MYO1E: variants seen among roughly 807,000 people sequenced by gnomAD.
MYO1E encodes the protein unconventional myosin-Ie.
MYO1E carries 68 observed loss-of-function variants against 151.1 expected under a neutral mutation model. The observed-to-expected ratio is 0.45, with a 90% CI of 0.37 to 0.55. The LOEUF is 0.55. Ranked by LOEUF, MYO1E falls within the 20% of genes least tolerant of loss-of-function variation. The pLI is 0.00. For synonymous variants in MYO1E, 601 were observed against 501.7 expected, an observed-to-expected ratio of 1.20 and a Z score of -2.64; for missense variants, 1,363 against 1,389.3, an observed-to-expected ratio of 0.98 and a Z score of 0.30.
At chr15:59,138,865 A>G (rs1190391307) in intron 26 of MYO1E, among the ~76,000 whole-genome samples, 1 of 152,038 alleles carries the variant, frequency 6.6e-6, no homozygotes, top group African/African-American at 2.4e-5. Flanking sequence ...CCCCTAGCCA[A>G]TATTTGTGGT....
chr15:59,258,051 C>T (rs2080204051), intron 3 of MYO1E, among the ~76,000 whole-genome samples: 1 of 152,060 alleles, frequency 6.6e-6, no homozygotes, highest in South Asian at 2.1e-4. Flanking sequence ...AAGTGATATA[C>T]AGAAAATGGA....
intron 10 of MYO1E, among the ~76,000 whole-genome samples, chr15:59,216,088 A>G (rs1181484571): frequency 2.6e-5 from 4 of 152,116 alleles, no homozygotes; most frequent in African/African-American, 7.2e-5. Context: ...CTCTAACCAC[A>G]CTAACCATAC....
rs966844121 is a variant in MYO1E, at chr15:59,302,769, C to T, written c.4-30320G>A. Among the ~76,000 whole-genome samples, 3 of 133,048 alleles carry T rather than the reference C, an allele frequency of 2.3e-5. No homozygotes were observed. The East Asian group carries it at 7.2e-4, about 32-fold the overall frequency. 87.3% of individuals were successfully genotyped at this position (133,048 alleles called of 152,430 possible). ...GAGGTGTAAAGTAATACATTATAAA[C>T]TCTGGACACTATATAAATTATACAA... is the stretch of plus-strand genomic sequence containing the variant. On this transcript the variant is annotated intron_variant, in intron 1 of 27. Transcript: ENST00000288235.
At chr15:59,151,610 A>G (rs2079479277) in intron 26 of MYO1E, among the ~76,000 whole-genome samples, 1 of 152,080 alleles carries the variant, frequency 6.6e-6, no homozygotes, top group Non-Finnish European at 1.5e-5. Context: ...ACATCAAATA[A>G]TAGGGCATAA....
intron 4 of MYO1E, among the ~76,000 whole-genome samples, chr15:59,246,947 G>A (rs1373899365): frequency 6.6e-6 from 1 of 152,208 alleles, no homozygotes; most frequent in African/African-American, 2.4e-5. Flanking sequence ...GGTATGCAGA[G>A]AGCATCACGG....
At chr15:59,359,994 G>A (rs2080876546) in intron 1 of MYO1E, 1 of 152,184 alleles carries the variant, frequency 6.6e-6, no homozygotes, top group South Asian at 2.1e-4. Flanking sequence ...GATATTTATG[G>A]ATGAAATGGT....
intron 6 of MYO1E, among the ~76,000 whole-genome samples, chr15:59,228,482 A>C (rs749478853): frequency 3.3e-5 from 5 of 151,534 alleles, no homozygotes; most frequent in Non-Finnish European, 5.9e-5. Flanking sequence ...AACCAAAATA[A>C]AATGAATCAA....
In MYO1E at chr15:59,178,554, G is replaced by A. The variant is rs201811818; in HGVS notation, c.1905-17C>T. 1.2e-6 allele frequency: 2 copies of A among 1,613,516 alleles called. No individual in the cohort carries two copies. The highest frequency in any genetic ancestry group is 2.2e-5 in the East Asian group (1 of 44,864). On this transcript the variant is annotated splice_polypyrimidine_tract_variant and intron_variant, in intron 18 of 27. Coordinates refer to ENST00000288235, the MANE Select transcript of MYO1E (RefSeq NM_004998.4). ...ATGGCATACCTGTGGGGACATTGGG[G>A]AGAAGAGAATCACACTTGGGCGGGA...
chr15:59,287,110 C>T (rs2080391874), intron 1 of MYO1E, among the ~76,000 whole-genome samples: 1 of 151,886 alleles, frequency 6.6e-6, no homozygotes, highest in Non-Finnish European at 1.5e-5. Context: ...TCTTCTGATC[C>T]ATACCTTGGA....
At chr15:59,360,725 C>T (rs1358350548) in intron 1 of MYO1E, among the ~76,000 whole-genome samples, 3 of 152,188 alleles carry the variant, frequency 2.0e-5, no homozygotes, top group Non-Finnish European at 4.4e-5. Context: ...ATTCCTCATG[C>T]CTTGCTTGGG....
intron 5 of MYO1E, among the ~76,000 whole-genome samples, chr15:59,233,315 T>G (rs1442319768): frequency 1.3e-5 from 2 of 152,150 alleles, no homozygotes; most frequent in South Asian, 2.1e-4. Flanking sequence ...TTCAACAGAA[T>G]TTTGTGGCAT....
In MYO1E at chr15:59,218,079, A is replaced by G. The variant is rs148823974; in HGVS notation, c.919T>C (p.Phe307Leu). The change falls in exon 10 of 28, where the codon TTT (phenylalanine) becomes CTT (leucine). Residue 307 changes from phenylalanine (F) to leucine (L), a missense_variant. By Grantham distance (22) the Phe-to-Leu change is conservative. Transcript: ENST00000288235. ...AAVESEEFLA[F>L]PAYLLGINQD... ...TTTATCCCTAGCAGATATGCAGGAA[A>G]AGCTAAAACTGTAGAACATAAAACA... 1 of 1,614,180 alleles carries G rather than the reference A, an allele frequency of 6.2e-7. No individual in the cohort carries two copies. The highest frequency in any genetic ancestry group is 8.5e-7 in the Non-Finnish European group (1 of 1,180,014).
chr15:59,160,336 CGTGTGTGT>C (rs55633634), intron 24 of MYO1E, among the ~76,000 whole-genome samples: 3,176 of 120,130 alleles, frequency 0.026, 113 homozygotes, highest in African/African-American at 0.087. Flanking sequence ...TGAGGTAGTG[CGTGTGTGT>C]GTGTGTGTGT....
intron 18 of MYO1E, among the ~76,000 whole-genome samples, chr15:59,187,494 T>C (rs1314166904): frequency 6.6e-6 from 1 of 152,218 alleles, no homozygotes; most frequent in African/African-American, 2.4e-5. Context: ...AAATGTGAAG[T>C]GGTGCAGCCA....
intron 1 of MYO1E, among the ~76,000 whole-genome samples, chr15:59,367,517 A>G (rs76448327): frequency 4.6e-5 from 7 of 152,338 alleles, no homozygotes; most frequent in African/African-American, 1.4e-4. Context: ...AGGTGTTGAG[A>G]TAGCGCCAAA....
At chr15:59,158,411 G>A in intron 24 of MYO1E, 32 bp from the exon 25 acceptor site, 4 of 1,488,260 alleles carry the variant, frequency 2.7e-6, no homozygotes, top group Non-Finnish European at 3.7e-6. Context: ...TAAAACCAGT[G>A]CTACTGGTTG....
At chr15:59,185,198 C>T (rs187309888) in intron 18 of MYO1E, among the ~76,000 whole-genome samples, 2 of 152,140 alleles carry the variant, frequency 1.3e-5, no homozygotes, top group East Asian at 1.9e-4. Flanking sequence ...AATCCCTTGT[C>T]GGATGGTTTG....
intron 4 of MYO1E, among the ~76,000 whole-genome samples, chr15:59,240,048 C>T (rs755376579): frequency 5.9e-5 from 9 of 152,236 alleles, no homozygotes; most frequent in Non-Finnish European, 7.3e-5. Context: ...GCTTTGTTTA[C>T]GCTTCCAGGC....
intron 22 of MYO1E, among the ~76,000 whole-genome samples, chr15:59,170,185 A>G (rs1488056485): frequency 6.6e-6 from 1 of 152,070 alleles, no homozygotes; most frequent in African/African-American, 2.4e-5. Context: ...AAAACAAAAC[A>G]AAACAACCAC....
Sources: gnomAD v4.1 joint callset for allele counts (sites outside exome capture counted in the v4.1 genomes callset) on GRCh38, gnomAD v4.1.1 for gene constraint, MANE v1.5 for transcripts, NCBI Gene and HGNC (gene_info 2026-07-23, HGNC 2026-07-21) for gene names.